C7: variants seen among roughly 807,000 people sequenced by gnomAD.
C7 encodes the protein complement C7, also known as complement component C7.
A neutral mutation model predicts 104.8 loss-of-function variants in C7; 83 were observed. That is an observed-to-expected ratio of 0.79 (90% CI 0.66 to 0.95). The LOEUF (loss-of-function observed/expected upper bound fraction) is 0.95, where lower values mean the gene tolerates loss of function less well. Among genes scored for constraint, C7 ranks in the 40% least tolerant of loss-of-function variants. The pLI, the probability that C7 is intolerant of heterozygous loss-of-function variation, is 0.00. For missense variants in C7, 1,070 were observed against 1,011.2 expected, an observed-to-expected ratio of 1.06 and a Z score of -0.79; for synonymous variants, 415 against 360.6, an observed-to-expected ratio of 1.15 and a Z score of -1.71.
intron 3 of C7, among the ~76,000 whole-genome samples, chr5:40,931,460 T>A (rs1739681924): frequency 6.6e-6 from 1 of 152,206 alleles, no homozygotes; most frequent in Admixed American, 6.5e-5. Context: ...TAGAATGACA[T>A]TTTTAGATAA....
Position 40,979,791 on chromosome 5 carries a change from G to A in C7, c.2232G>A (p.Lys744=), listed in dbSNP as rs1740902526. 1.9e-6 allele frequency: 3 copies of A among 1,613,666 alleles called. No individual in the cohort carries two copies. The highest frequency in any genetic ancestry group is 2.5e-6 in the Non-Finnish European group (3 of 1,179,648). The part of the protein sequence containing the change: ...SKRILPLTVC[K]MHVLHCQGRN... ...GGATACTGCCTCTGACAGTTTGCAA[G>A]ATGCATGTTCTCCACTGTCAGGGTA... Residue 744 remains lysine (K), a synonymous_variant, in exon 17 of 18, where the codon AAG becomes AAA. Transcript: ENST00000313164.
chr5:40,955,601 G>T (rs1740273603), intron 10 of C7, 48 bp downstream of exon 10: 1 of 1,555,088 alleles, frequency 6.4e-7, no homozygotes, highest in Non-Finnish European at 8.7e-7. Flanking sequence ...ATGTTTATTT[G>T]CATGAGGAAA....
At position 40,934,357 on chromosome 5, in the gene C7, G is replaced by T. The variant is rs1288539478; in HGVS notation, c.171G>T (p.Gln57His). ...GGCGGTCAGTTGCTGTGTATGGGCA[G>T]TATGGAGGCCAGCCTTGTGTTGGAA... is the stretch of plus-strand genomic sequence containing the variant. ...TRRRSVAVYG[Q>H]YGGQPCVGNA... is the part of the protein sequence containing the mutation. The change falls in exon 4 of 18, where the codon CAG (glutamine) becomes CAT (histidine). Residue 57 changes from glutamine (Q) to histidine (H), a missense_variant. Physicochemically the swap from Gln to His is conservative, Grantham distance 24. Transcript: ENST00000313164. 6.2e-7 allele frequency: 1 copy of T among 1,613,534 alleles called. No homozygotes were observed. The highest frequency in any genetic ancestry group is 8.5e-7 in the Non-Finnish European group (1 of 1,179,618).
At chr5:40,972,680 A>C (rs1343911186) in intron 15 of C7, 86 bp downstream of exon 15, 7 of 1,061,768 alleles carry the variant, frequency 6.6e-6, no homozygotes, top group Non-Finnish European at 8.2e-6. Flanking sequence ...CTGTATCACC[A>C]TAGCTGTGAG....
At chr5:40,938,461 C>T in intron 6 of C7, among the ~76,000 whole-genome samples, 1 of 152,040 alleles carries the variant, frequency 6.6e-6, no homozygotes, top group South Asian at 2.1e-4. Flanking sequence ...CCAATTTTTT[C>T]TTATGAAAAT....
intron 3 of C7, among the ~76,000 whole-genome samples, chr5:40,932,242 G>A (rs985146563): frequency 6.6e-6 from 1 of 152,026 alleles, no homozygotes; most frequent in Non-Finnish European, 1.5e-5. Flanking sequence ...GCAGTATTAT[G>A]TTCCATGATA....
rs747647242 is a variant in C7 at position 40,981,885 on chromosome 5, G to C, written c.*312G>C. 8 of 216,018 alleles carry C rather than the reference G, an allele frequency of 3.7e-5. No individual in the cohort carries two copies. The highest frequency in any genetic ancestry group is 2.7e-4 in the Admixed American group (5 of 18,760). The allele number at this position is 216,018 out of a possible 1,614,324, so 13.4% of individuals were successfully genotyped here. ...TCTGTAAAATTAGAGGATTGCACTA[G>C]AGAAACTTGAATGCTCCATTCAGGC... is the stretch of plus-strand genomic sequence containing the variant. On this transcript the variant is annotated 3_prime_UTR_variant, in exon 18 of 18. Coordinates refer to ENST00000313164, the MANE Select transcript of C7 (RefSeq NM_000587.4).
At chr5:40,966,326 T>G (rs372992387) in intron 14 of C7, among the ~76,000 whole-genome samples, 1 of 152,140 alleles carries the variant, frequency 6.6e-6, no homozygotes, top group Non-Finnish European at 1.5e-5. Context: ...TGCATCCTCA[T>G]AGCTTAGCTC....
At position 40,968,889 on chromosome 5, in the gene C7, G is replaced by A. The variant is rs533513022; in HGVS notation, c.1883-3514G>A. ...AGTCTCCCAAAGTGCTGGGATTATA[G>A]GTGTGAGCCATCGTGCCTGGCTATT... is the stretch of plus-strand genomic sequence containing the variant. On this transcript the variant is annotated intron_variant, in intron 14 of 17. Coordinates refer to ENST00000313164, the MANE Select transcript of C7 (RefSeq NM_000587.4). Among the ~76,000 whole-genome samples, 5 of 151,644 alleles carry A rather than the reference G, an allele frequency of 3.3e-5. No homozygotes were observed. In the East Asian group the frequency reaches 7.7e-4, roughly 23 times the overall value.
intron 2 of C7, among the ~76,000 whole-genome samples, chr5:40,930,249 AG>A (rs1739653095): frequency 7.5e-6 from 1 of 132,864 alleles, no homozygotes; most frequent in Middle Eastern, 4.4e-3. Context: ...TCTGTCACCC[AG>A]GCTGGAGTGC....
At chr5:40,948,509 T>A (rs1471756929) in intron 8 of C7, among the ~76,000 whole-genome samples, 1 of 152,142 alleles carries the variant, frequency 6.6e-6, no homozygotes, top group African/African-American at 2.4e-5. Flanking sequence ...GGCCTCAAAG[T>A]CAGTTTAGCT....
intron 1 of C7, among the ~76,000 whole-genome samples, chr5:40,921,027 C>T (rs10473227): frequency 0.24 from 34,152 of 144,324 alleles, 4,085 homozygotes; most frequent in East Asian, 0.33. Flanking sequence ...TCAGCCTGGG[C>T]GACAGAGCAA....
rs377448827 is a variant in C7 at position 40,937,568 on chromosome 5, G to C, written c.445G>C (p.Gly149Arg). 4.4e-5 allele frequency: 71 copies of C among 1,608,844 alleles called. No individual in the cohort carries two copies. The highest frequency in any genetic ancestry group is 5.5e-5 in the Non-Finnish European group (65 of 1,177,792). Residue 149 changes from glycine (G) to arginine (R), a missense_variant, in exon 6 of 18, where the codon GGC becomes CGC. Transcript: ENST00000313164. ...LTGNGYNELT[G>R]QFRNRVINTK... ...TTTTAACAGTTACAATGAACTCACT[G>C]GCCAGTTTAGGAACAGAGTCATCAA...
chr5:40,919,717 C>A (rs184160477), intron 1 of C7, among the ~76,000 whole-genome samples: 256 of 151,950 alleles, frequency 1.7e-3, no homozygotes, highest in African/African-American at 5.7e-3. Context: ...CCTCAACAAC[C>A]AATAGGTCAA....
chr5:40,977,647 C>T (rs1420261289), intron 16 of C7, among the ~76,000 whole-genome samples: 1 of 152,184 alleles, frequency 6.6e-6, no homozygotes, highest in African/African-American at 2.4e-5. Context: ...ACTGCACTGT[C>T]CTTCCTGCCT....
At position 40,959,595 on chromosome 5, in the gene C7, G is replaced by A. The variant is rs192679722; in HGVS notation, c.1636G>A (p.Glu546Lys). ...VGETTESTQCEDEELEHLRLL... is the reference protein window; with the variant it reads ...VGETTESTQCKDEELEHLRLL... Reference sequence around the variant, plus strand: ...AGAAACGACAGAAAGCACACAATGCGAAGATGAGGAGCTGGAGCACTTGAG... The same window carrying A: ...AGAAACGACAGAAAGCACACAATGCAAAGATGAGGAGCTGGAGCACTTGAG... Residue 546 changes from glutamate to lysine, a missense_variant, in exon 12 of 18, where the codon GAA (glutamate) becomes AAA (lysine). Coordinates refer to ENST00000313164, the MANE Select transcript of C7 (RefSeq NM_000587.4). The A allele has an allele frequency of 8.0e-5, 128 of 1,603,666 alleles. No homozygotes were observed. The highest frequency in any genetic ancestry group is 3.5e-4 in the African/African-American group (26 of 74,654).
At chr5:40,910,162 G>T (rs1437389107) in intron 1 of C7, among the ~76,000 whole-genome samples, 1 of 151,884 alleles carries the variant, frequency 6.6e-6, no homozygotes, top group Non-Finnish European at 1.5e-5. Context: ...GGTCTACCAA[G>T]TATACATGTT....
intron 6 of C7, among the ~76,000 whole-genome samples, chr5:40,943,994 T>C (rs1739996962): frequency 6.6e-6 from 1 of 152,244 alleles, no homozygotes; most frequent in African/African-American, 2.4e-5. Flanking sequence ...CACTTATACC[T>C]GTCTTCTTAT....
At position 40,979,903 on chromosome 5, in the gene C7, T is replaced by C; in HGVS notation, c.2344T>C (p.Cys782Arg). 1 of 1,586,542 alleles carries C rather than the reference T, an allele frequency of 6.3e-7. No individual in the cohort carries two copies. The highest frequency in any genetic ancestry group is 8.6e-7 in the Non-Finnish European group (1 of 1,163,102). Residue 782 changes from cysteine (C) to arginine (R), a missense_variant, in exon 17 of 18, where the codon TGT (cysteine) becomes CGT (arginine). Transcript: ENST00000313164. ...ACGACPLWGKCDAESSKCVCR... is the reference protein window; with the variant it reads ...ACGACPLWGKRDAESSKCVCR... ...TGGTGCCTGCCCACTGTGGGGAAAATGTGATGGTAAGGGGCCTTTCATATT... is the reference window on the plus strand; with the variant it reads ...TGGTGCCTGCCCACTGTGGGGAAAACGTGATGGTAAGGGGCCTTTCATATT...
Sources: allele counts gnomAD v4.1 joint callset (sites outside exome capture counted in the v4.1 genomes callset), GRCh38; gene constraint gnomAD v4.1.1; transcripts MANE v1.5; gene names NCBI Gene and HGNC (gene_info 2026-07-23, HGNC 2026-07-21).